The following KICS2 variants were observed in gnomAD, a reference collection of about 807,000 sequenced individuals.
KICS2 encodes KICSTOR subunit 2.
Under a neutral mutation model 31.4 loss-of-function variants are expected in KICS2, and 13 were observed. That is an observed-to-expected ratio of 0.41 (90% CI 0.27 to 0.66). The LOEUF is 0.66. Among genes scored for constraint, KICS2 ranks in the 30% least tolerant of loss-of-function variants. The probability of loss-of-function intolerance (pLI) is 0.28; values close to 1 mark genes in which losing one functional copy is unlikely to be tolerated. For synonymous variants in KICS2, 209 were observed against 214.8 expected (o/e 0.97, Z 0.24); for missense variants, 455 against 545.4 (o/e 0.83, Z 1.65).
chr12:64,194,993 G>C (rs2037420266), intron 2 of KICS2, among the ~76,000 whole-genome samples: 2 of 150,948 alleles, frequency 1.3e-5, no homozygotes, highest in Admixed American at 6.6e-5. Flanking sequence ...ACCCAGGCTG[G>C]AGTGCAATTG....
chr12:64,193,835 T>C lies in KICS2; in HGVS notation c.*7A>G. 1 of 1,607,398 alleles carries C rather than the reference T, an allele frequency of 6.2e-7. No individual in the cohort carries two copies. Among genetic ancestry groups the C allele is most frequent in the Non-Finnish European group, 8.5e-7 (1 of 1,176,632 alleles). On this transcript the variant is annotated 3_prime_UTR_variant, in exon 3 of 3. Coordinates refer to ENST00000398055, the MANE Select transcript of KICS2 (RefSeq NM_152440.5). ...TAGTCTTGAAACCCCTCCACGCAAA[T>C]CACCTGCTAACCTTTGGCTCCAGGT...
rs1010243162 is a variant in KICS2 at position 64,192,715 on chromosome 12, T to G, written c.*1127A>C. 5.4e-5 allele frequency: 53 copies of G among 985,338 alleles called. No individual in the cohort carries two copies. The highest frequency in any genetic ancestry group is 6.0e-5 in the Non-Finnish European group (50 of 829,932). 61.0% of individuals were successfully genotyped at this position (985,338 alleles called of 1,614,324 possible). Reference sequence around the variant, plus strand: ...TCTCCACAGCCCATTATGCCTTCACTGATCCACCTACTTCCCATGAACACC... The same window carrying G: ...TCTCCACAGCCCATTATGCCTTCACGGATCCACCTACTTCCCATGAACACC... On this transcript the variant is annotated 3_prime_UTR_variant, in exon 3 of 3. Transcript: ENST00000398055.
intron 2 of KICS2, among the ~76,000 whole-genome samples, chr12:64,204,542 T>C (rs886811327): frequency 5.3e-5 from 8 of 152,180 alleles, no homozygotes; most frequent in African/African-American, 1.9e-4. Flanking sequence ...TCTTAGCACT[T>C]TGGGAGGCCA....
intron 2 of KICS2, among the ~76,000 whole-genome samples, chr12:64,213,947 C>T (rs2037605269): frequency 6.6e-6 from 1 of 152,194 alleles, no homozygotes; most frequent in Non-Finnish European, 1.5e-5. Context: ...TTCTTGTCAG[C>T]ATCTCCTATC....
At position 64,194,108 on chromosome 12, in the gene KICS2, C is replaced by G. The variant is rs752348517; in HGVS notation, c.1072G>C (p.Val358Leu). The change falls in exon 3 of 3, where the codon GTC becomes CTC. Residue 358 changes from valine (V) to leucine (L), a missense_variant. Transcript: ENST00000398055. Reference sequence around the variant, plus strand: ...ATGATGACATTGGGCCAGTGCATGACTGGCCTGTCGCTGGGCAGAGACACT... The same window carrying G: ...ATGATGACATTGGGCCAGTGCATGAGTGGCCTGTCGCTGGGCAGAGACACT... Reference protein sequence around the residue: ...AVVSLPSDRPVMHWPNVIMIM... With the variant: ...AVVSLPSDRPLMHWPNVIMIM... 9.3e-6 allele frequency: 15 copies of G among 1,614,050 alleles called. No homozygotes were observed. In the East Asian group the frequency reaches 3.3e-4, roughly 36 times the overall value.
intron 2 of KICS2, among the ~76,000 whole-genome samples, chr12:64,209,542 G>A (rs546010625): frequency 1.1e-4 from 16 of 152,158 alleles, no homozygotes; most frequent in South Asian, 2.1e-4. Flanking sequence ...CCGAGATTGC[G>A]CCACTGCACT....
intron 2 of KICS2, among the ~76,000 whole-genome samples, chr12:64,206,087 T>G (rs1190506788): frequency 2.0e-5 from 3 of 152,122 alleles, no homozygotes; most frequent in South Asian, 2.1e-4. Flanking sequence ...CCCAGCTAAT[T>G]TTTAAATTTT....
intron 2 of KICS2, among the ~76,000 whole-genome samples, chr12:64,202,720 C>T (rs537518868): frequency 3.9e-4 from 59 of 151,100 alleles, no homozygotes; most frequent in African/African-American, 1.2e-3. Flanking sequence ...AATCAGATTA[C>T]TAACTCACTA....
rs1248369951 is a variant in KICS2, at chr12:64,206,461, G to A, written c.521+9217C>T. Among the ~76,000 whole-genome samples the A allele has an allele frequency of 2.6e-5, 4 of 152,248 alleles. No individual in the cohort carries two copies. The East Asian group carries it at 5.8e-4, about 22-fold the overall frequency. ...GATTTGCCCCACTGGACCTTCCATG[G>A]CAGAAGGAGGTATTTATAATGAATA... On this transcript the variant is annotated intron_variant, in intron 2 of 2. Coordinates refer to ENST00000398055, the MANE Select transcript of KICS2 (RefSeq NM_152440.5).
chr12:64,203,452 C>T (rs1471903062), intron 2 of KICS2, among the ~76,000 whole-genome samples: 1 of 152,210 alleles, frequency 6.6e-6, no homozygotes, highest in Non-Finnish European at 1.5e-5. Context: ...CCTGCAGAGG[C>T]TGCGGAAATC....
rs1270523475 is a variant in KICS2 at position 64,193,927 on chromosome 12, T to A, written c.1253A>T (p.His418Leu). ...GACCTCATTGAGGAAGGAAATAAAG[T>A]GGGAGTCTCTCTCAGATTTCTTTGA... The part of the protein sequence containing the change: ...FESKKSERDS[H>L]FISFLNEVSL... Residue 418 changes from histidine to leucine, a missense_variant, in exon 3 of 3, where the codon CAC becomes CTC. By Grantham distance (99) the His-to-Leu change is moderately conservative. Coordinates refer to ENST00000398055, the MANE Select transcript of KICS2 (RefSeq NM_152440.5). 1 of 1,614,186 alleles carries A rather than the reference T, an allele frequency of 6.2e-7. No individual in the cohort carries two copies.
At chr12:64,219,901 G>C (rs895711964) in intron 1 of KICS2, among the ~76,000 whole-genome samples, 2 of 152,114 alleles carry the variant, frequency 1.3e-5, no homozygotes, top group African/African-American at 4.8e-5. Context: ...AAAGTAGTTG[G>C]AGAACATGGG....
chr12:64,204,948 A>G (rs2037523363), intron 2 of KICS2: 1 of 152,208 alleles, frequency 6.6e-6, no homozygotes, highest in South Asian at 2.1e-4. Context: ...CCTGTTATAG[A>G]ATAAGTCTCA....
downstream of KICS2, chr12:64,187,719 C>T: frequency 7.7e-7 from 1 of 1,304,346 alleles, no homozygotes. Flanking sequence ...TGGGGAGTCA[C>T]ATAGCATGTT....
At chr12:64,199,257 AT>A (rs2136692252) in intron 2 of KICS2, among the ~76,000 whole-genome samples, 1 of 59,506 alleles carries the variant, frequency 1.7e-5, no homozygotes, top group East Asian at 4.1e-4. Context: ...ATCCACCATG[AT>A]CAAGTGGGCT....
chr12:64,209,278 T>C (rs990023565), intron 2 of KICS2, among the ~76,000 whole-genome samples: 8 of 152,104 alleles, frequency 5.3e-5, no homozygotes, highest in African/African-American at 1.4e-4. Flanking sequence ...CAAGAACTTA[T>C]ATATGCTTAA....
chr12:64,195,667 T>G, intron 2 of KICS2, among the ~76,000 whole-genome samples: 1 of 152,164 alleles, frequency 6.6e-6, no homozygotes, highest in South Asian at 2.1e-4. Flanking sequence ...GACGGGTGAT[T>G]TCTGCATTTC....
intron 2 of KICS2, among the ~76,000 whole-genome samples, chr12:64,213,026 G>A (rs956330718): frequency 6.7e-6 from 1 of 150,312 alleles, no homozygotes; most frequent in Non-Finnish European, 1.5e-5. Flanking sequence ...GGAGGTAGAG[G>A]TTGCAGTTTG....
At chr12:64,187,886 C>G (rs901254052), downstream of KICS2, among the ~76,000 whole-genome samples, 3 of 152,154 alleles carry the variant, frequency 2.0e-5, no homozygotes, top group Non-Finnish European at 4.4e-5. Flanking sequence ...TAAAAATACA[C>G]TTGAAAAGAT....
Sources: gnomAD v4.1 joint callset for allele counts (sites outside exome capture counted in the v4.1 genomes callset) on GRCh38, gnomAD v4.1.1 for gene constraint, MANE v1.5 for transcripts, NCBI Gene and HGNC (gene_info 2026-07-23, HGNC 2026-07-21) for gene names.